CRY1: variants seen among roughly 807,000 people sequenced by gnomAD.
CRY1 encodes the protein cryptochrome circadian regulator 1.
Under a neutral mutation model 76.0 loss-of-function variants are expected in CRY1, and 45 were observed. The ratio of observed to expected loss-of-function variants is 0.59; its 90% CI spans 0.47 to 0.76. The LOEUF (loss-of-function observed/expected upper bound fraction) is 0.76, where lower values mean the gene tolerates loss of function less well. CRY1 is among the 30% of genes least tolerant of loss of function. The pLI, the probability that CRY1 is intolerant of heterozygous loss-of-function variation, is 0.00. For synonymous variants in CRY1, 248 were observed against 244.0 expected (o/e 1.02, Z -0.15); for missense variants, 587 against 716.4 (o/e 0.82, Z 2.06).
At chr12:107,020,496 C>A (rs936166372) in intron 2 of CRY1, among the ~76,000 whole-genome samples, 2 of 151,170 alleles carry the variant, frequency 1.3e-5, no homozygotes, top group Non-Finnish European at 2.9e-5. Context: ...CCTTGGTGCT[C>A]TGATAGTGAG....
intron 1 of CRY1, among the ~76,000 whole-genome samples, chr12:107,052,924 T>G (rs2136877205): frequency 6.6e-6 from 1 of 152,260 alleles, no homozygotes; most frequent in Admixed American, 6.5e-5. Flanking sequence ...TAGAGATTGA[T>G]CCTACTTGTG....
chr12:107,022,180 C>T lies in CRY1; in HGVS notation c.171G>A (p.Gln57=). The T allele has an allele frequency of 6.3e-7, 1 of 1,578,598 alleles. No homozygotes were observed. The highest frequency in any genetic ancestry group is 8.6e-7 in the Non-Finnish European group (1 of 1,160,918). ...VGINRWRFLL[Q]CLEDLDANLR... is the part of the protein sequence containing the mutation. ...GATTGGCATCAAGATCCTCAAGACA[C>T]TGAAGCAAAAATCTAGAGAGAAGAA... The change falls in exon 2 of 13, where the codon CAG becomes CAA. Residue 57 remains glutamine (Q), a synonymous_variant. Coordinates refer to ENST00000008527, the MANE Select transcript of CRY1 (RefSeq NM_004075.5).
chr12:107,036,968 A>G (rs1952740706), intron 1 of CRY1, among the ~76,000 whole-genome samples: 1 of 152,066 alleles, frequency 6.6e-6, no homozygotes, highest in Admixed American at 6.6e-5. Context: ...AACATACTAT[A>G]TAATTTATTT....
intron 1 of CRY1, among the ~76,000 whole-genome samples, chr12:107,041,206 CAA>C (rs531981800): frequency 2.3e-4 from 32 of 139,132 alleles, no homozygotes. Context: ...ACTCAGGATA[CAA>C]AAAAAAAAAA....
At chr12:107,042,769 A>C (rs1204924533) in intron 1 of CRY1, among the ~76,000 whole-genome samples, 1 of 152,162 alleles carries the variant, frequency 6.6e-6, no homozygotes, top group Non-Finnish European at 1.5e-5. Flanking sequence ...GGATGGCCAC[A>C]CGGAGAATGG....
chr12:107,019,116 A>G (rs1325663660), intron 2 of CRY1, among the ~76,000 whole-genome samples: 2 of 152,216 alleles, frequency 1.3e-5, no homozygotes, highest in Non-Finnish European at 2.9e-5. Flanking sequence ...TAACTCAGCT[A>G]GTTAATGACA....
intron 1 of CRY1, among the ~76,000 whole-genome samples, chr12:107,067,490 T>C (rs2136888948): frequency 6.6e-6 from 1 of 152,298 alleles, no homozygotes; most frequent in Admixed American, 6.5e-5. Flanking sequence ...ACTTTTATGA[T>C]TATCTAAAGT....
intron 1 of CRY1, among the ~76,000 whole-genome samples, chr12:107,036,315 T>C (rs1460676108): frequency 6.6e-6 from 1 of 152,188 alleles, no homozygotes; most frequent in Non-Finnish European, 1.5e-5. Flanking sequence ...ATAGTCCACA[T>C]CTAAAACTAT....
chr12:107,069,609 TATAAAAA>T (rs2136890975), intron 1 of CRY1, among the ~76,000 whole-genome samples: 2 of 40,764 alleles, frequency 4.9e-5, no homozygotes, highest in Non-Finnish European at 1.5e-4. Flanking sequence ...AAAGTATATA[TATAAAAA>T]GTATATATAT....
At chr12:107,057,041 G>A (rs534507744) in intron 1 of CRY1, among the ~76,000 whole-genome samples, 1 of 152,112 alleles carries the variant, frequency 6.6e-6, no homozygotes, top group South Asian at 2.1e-4. Context: ...TGATTGTCTA[G>A]TATGTAAGAA....
rs1004573901 is a variant in CRY1, at chr12:107,009,968, T to C, written c.268-4720A>G. Among the ~76,000 whole-genome samples, 3 of 152,224 alleles carry C rather than the reference T, an allele frequency of 2.0e-5. No homozygotes were observed. The South Asian group carries it at 6.2e-4, about 32-fold the overall frequency. On this transcript the variant is annotated intron_variant, in intron 2 of 12. Transcript: ENST00000008527. The stretch of plus-strand genomic sequence containing the variant: ...TTTAATTTAAGAAGGAAATACTTCC[T>C]TCTTAAATGTGTGATATAACTCAAA...
At chr12:107,083,423 C>T (rs1953352474) in intron 1 of CRY1, among the ~76,000 whole-genome samples, 1 of 152,158 alleles carries the variant, frequency 6.6e-6, no homozygotes, top group African/African-American at 2.4e-5. Flanking sequence ...CCCCAATGAA[C>T]ATCAATATGA....
At chr12:107,053,874 G>C (rs902826637) in intron 1 of CRY1, among the ~76,000 whole-genome samples, 2 of 152,108 alleles carry the variant, frequency 1.3e-5, no homozygotes, top group Admixed American at 1.3e-4. Flanking sequence ...AGTATGAGTG[G>C]GAGTGGCAGC....
At chr12:107,076,752 GC>G (rs1953258728) in intron 1 of CRY1, among the ~76,000 whole-genome samples, 1 of 152,100 alleles carries the variant, frequency 6.6e-6, no homozygotes, top group Non-Finnish European at 1.5e-5. Context: ...TGGAGGTGGG[GC>G]CTACTGGGAG....
chr12:107,053,217 C>G (rs1156499061), intron 1 of CRY1, among the ~76,000 whole-genome samples: 5 of 151,898 alleles, frequency 3.3e-5, no homozygotes, highest in Non-Finnish European at 7.4e-5. Flanking sequence ...TATAGAATAG[C>G]TGATAAAAAG....
At chr12:107,010,791 ATGAATTGCAC>A (rs1566246198) in intron 2 of CRY1, among the ~76,000 whole-genome samples, 8 of 75,720 alleles carry the variant, frequency 1.1e-4, no homozygotes, top group Non-Finnish European at 2.2e-4. Flanking sequence ...TTGGGGTGCC[ATGAATTGCAC>A]CCATAAAAGA....
At chr12:107,062,402 T>C (rs1439212878) in intron 1 of CRY1, among the ~76,000 whole-genome samples, 3 of 152,198 alleles carry the variant, frequency 2.0e-5, no homozygotes, top group African/African-American at 7.2e-5. Context: ...AACTCTTTTT[T>C]CTGAATAAAA....
At chr12:107,026,946 C>T (rs1409413294) in intron 1 of CRY1, among the ~76,000 whole-genome samples, 1 of 151,884 alleles carries the variant, frequency 6.6e-6, no homozygotes, top group Non-Finnish European at 1.5e-5. Flanking sequence ...GAAACCTTTC[C>T]CAGTAGCAAG....
At chr12:107,051,754 T>C (rs1952924001) in intron 1 of CRY1, among the ~76,000 whole-genome samples, 1 of 152,180 alleles carries the variant, frequency 6.6e-6, no homozygotes, top group African/African-American at 2.4e-5. Flanking sequence ...CACAAGTCTA[T>C]ATAACTTATG....
Sources: gnomAD v4.1 joint callset for allele counts (sites outside exome capture counted in the v4.1 genomes callset) on GRCh38, gnomAD v4.1.1 for gene constraint, MANE v1.5 for transcripts, NCBI Gene and HGNC (gene_info 2026-07-23, HGNC 2026-07-21) for gene names.